Variants in ST3GAL5 observed in about 807,000 individuals in gnomAD.
The protein encoded by ST3GAL5 is lactosylceramide alpha-2,3-sialyltransferase.
ST3GAL5 carries 25 observed loss-of-function variants against 46.1 expected under a neutral mutation model. The ratio of observed to expected loss-of-function variants is 0.54; its 90% CI spans 0.40 to 0.76. The LOEUF (loss-of-function observed/expected upper bound fraction) is 0.76, where lower values mean the gene tolerates loss of function less well. Ranked by LOEUF, ST3GAL5 falls within the 30% of genes least tolerant of loss-of-function variation. ST3GAL5 has a pLI of 0.00. For missense variants in ST3GAL5, 431 were observed against 521.2 expected (o/e 0.83, Z 1.69); for synonymous variants, 182 against 192.7 (o/e 0.94, Z 0.46).
chr2:85,838,234 T>G lies in ST3GAL5; in HGVS notation c.*1910A>C, dbSNP rs1041261376. 1 of 152,218 alleles carries G rather than the reference T, an allele frequency of 6.6e-6. No homozygotes were observed. Among genetic ancestry groups the G allele is most frequent in the African/African-American group, 2.4e-5 (1 of 41,408 alleles). The allele number at this position is 152,218 out of a possible 1,614,324, so 9.4% of individuals were successfully genotyped here. A position where few individuals can be genotyped will look rare whatever the true frequency, so the allele number is the denominator to read the frequency against. On this transcript the variant is annotated 3_prime_UTR_variant, in exon 7 of 7. Transcript: ENST00000638572. ...GGAGGGATGGGGATGGGAGCAGGCC[T>G]GAGAATGGCTGCAAGCTGACCAAGT...
rs1682523722 is a variant in ST3GAL5, at chr2:85,844,468, A to T, written c.936T>A (p.Val312=). ...QPKHFRILNP[V]IIKETAFDIL... is the part of the protein sequence containing the mutation. ...TGTCAAAGGCAGTCTCTTTGATGAT[A>T]ACTGGATTCAAAATCCTGAAATGTT... Residue 312 remains valine, a synonymous_variant, in exon 6 of 7, where the codon GTT becomes GTA. Coordinates refer to ENST00000638572, the MANE Select transcript of ST3GAL5 (RefSeq NM_003896.4). 6.2e-7 allele frequency: 1 copy of T among 1,614,106 alleles called. No individual in the cohort carries two copies. The highest frequency in any genetic ancestry group is 8.5e-7 in the Non-Finnish European group (1 of 1,180,042).
At position 85,844,403 on chromosome 2, in the gene ST3GAL5, CG is replaced by C. The variant is rs1475670133; in HGVS notation, c.1000del (p.Arg334GlufsTer15). ...YSEPQSRFWG[R>X]DKNVPTIGVI... Reference sequence around the variant, plus strand: ...GAGTAGCAACAAAAATACCTTATCTCGGCCCCAGAACCTTGACTGAGGCTCT... The same window carrying C: ...GAGTAGCAACAAAAATACCTTATCTCGCCCCAGAACCTTGACTGAGGCTCT... On this transcript the variant is annotated frameshift_variant, in exon 6 of 7. Coordinates refer to ENST00000638572, the MANE Select transcript of ST3GAL5 (RefSeq NM_003896.4). LOFTEE classifies it high-confidence loss of function. 3 of 1,614,074 alleles carry C rather than the reference CG, an allele frequency of 1.9e-6. No individual in the cohort carries two copies. Among genetic ancestry groups the C allele is most frequent in the East Asian group, 4.5e-5 (2 of 44,898 alleles).
At chr2:85,844,585 A>C in intron 5 of ST3GAL5, 31 bp from the exon 6 acceptor site, 1 of 1,613,624 alleles carries the variant, frequency 6.2e-7, no homozygotes, top group Non-Finnish European at 8.5e-7. Flanking sequence ...GTTGTTAGTC[A>C]TCCTTCTAGG....
chr2:85,847,445 T>C, intron 4 of ST3GAL5: 2 of 1,010,968 alleles, frequency 2.0e-6, no homozygotes, highest in Non-Finnish European at 1.2e-6. Context: ...TCCAACCATT[T>C]TGTGTTTTTG....
In ST3GAL5 at chr2:85,842,818, A is replaced by C. The variant is rs1393039901; in HGVS notation, c.1008+1578T>G. ...CTCTTGTTGCCCAGGCTGGAGTGCA[A>C]TGGGGCGATCTCGGCTCATTGCAAC... On this transcript the variant is annotated intron_variant, in intron 6 of 6. Transcript: ENST00000638572. Among the ~76,000 whole-genome samples, 3 of 150,132 alleles carry C rather than the reference A, an allele frequency of 2.0e-5. 1 individual carries two copies. Among genetic ancestry groups the C allele is most frequent in the Admixed American group, 2.0e-4 (3 of 15,068 alleles).
rs1013320087 is a variant in ST3GAL5, at chr2:85,881,684, C to T, written c.82+7140G>A. On this transcript the variant is annotated intron_variant, in intron 1 of 6. Coordinates refer to ENST00000638572, the MANE Select transcript of ST3GAL5 (RefSeq NM_003896.4). ...GTATCTGGTGGAAGAAATTTCTAAGCAGGAAAGCAGTCAAGAGGTGACGTG... is the reference window on the plus strand; with the variant it reads ...GTATCTGGTGGAAGAAATTTCTAAGTAGGAAAGCAGTCAAGAGGTGACGTG... 3.3e-5 allele frequency among the ~76,000 whole-genome samples: 5 copies of T among 152,154 alleles called. No individual in the cohort carries two copies. In the South Asian group the frequency reaches 1.0e-3, roughly 32 times the overall value.
intron 1 of ST3GAL5, among the ~76,000 whole-genome samples, chr2:85,881,348 C>T (rs1687128512): frequency 6.6e-6 from 1 of 152,124 alleles, no homozygotes; most frequent in Admixed American, 6.5e-5. Flanking sequence ...GAAAAGATAC[C>T]TGAAAATCTG....
intron 1 of ST3GAL5, among the ~76,000 whole-genome samples, chr2:85,873,014 G>C (rs376265786): frequency 1.3e-5 from 2 of 152,182 alleles, no homozygotes; most frequent in Non-Finnish European, 2.9e-5. Flanking sequence ...GTGTGCTGTG[G>C]GCAGACAGAA....
chr2:85,870,706 C>T (rs1192987395), intron 1 of ST3GAL5, among the ~76,000 whole-genome samples: 2 of 141,916 alleles, frequency 1.4e-5, no homozygotes, highest in South Asian at 2.2e-4. Flanking sequence ...GACGGAGTTT[C>T]GCTCTTGTTG....
At chr2:85,873,398 G>C (rs1269584273) in intron 1 of ST3GAL5, among the ~76,000 whole-genome samples, 2 of 152,164 alleles carry the variant, frequency 1.3e-5, no homozygotes, top group African/African-American at 4.8e-5. Flanking sequence ...CATGGATGAT[G>C]AAGGGCCCTG....
rs558210040 is a variant in ST3GAL5 at position 85,857,230 on chromosome 2, G to A, written c.318+3951C>T. ...ACTGCACTTCAGCCTGGGTGACAGC[G>A]TGAGGCCCTGCTGAAAAGAAAAGAA... is the stretch of plus-strand genomic sequence containing the variant. On this transcript the variant is annotated intron_variant, in intron 3 of 6. Transcript: ENST00000638572. Among the ~76,000 whole-genome samples the A allele has an allele frequency of 2.4e-4, 37 of 151,986 alleles. No homozygotes were observed. In the East Asian group the frequency reaches 3.1e-3, roughly 13 times the overall value.
chr2:85,871,315 C>A (rs1357704767), intron 1 of ST3GAL5, among the ~76,000 whole-genome samples: 1 of 152,164 alleles, frequency 6.6e-6, no homozygotes, highest in South Asian at 2.1e-4. Flanking sequence ...TTGAATTACA[C>A]AACAAATTAC....
intron 3 of ST3GAL5, 200 bp from the exon 4 acceptor site, chr2:85,848,404 A>T: frequency 3.9e-6 from 6 of 1,535,194 alleles, no homozygotes; most frequent in Non-Finnish European, 5.3e-6. Context: ...CATGACAAGG[A>T]GATAAACACA....
intron 1 of ST3GAL5, 31 bp downstream of exon 1, chr2:85,888,791 CCG>C (rs1276165659): frequency 8.4e-7 from 1 of 1,189,082 alleles, no homozygotes; most frequent in African/African-American, 1.6e-5. Flanking sequence ...CCGCGGGCCC[CCG>C]CGACGCCGAG....
rs115179285 is a variant in ST3GAL5, at chr2:85,857,129, C to T, written c.318+4052G>A. On this transcript the variant is annotated intron_variant, in intron 3 of 6. Transcript: ENST00000638572. ...CGTATGGTGGTGCATGCTATAGTCCCAGCTACTCAGGAGGCTGAGGTGGGA... is the reference window on the plus strand; with the variant it reads ...CGTATGGTGGTGCATGCTATAGTCCTAGCTACTCAGGAGGCTGAGGTGGGA... 9.3e-3 allele frequency among the ~76,000 whole-genome samples: 1,362 copies of T among 147,042 alleles called. 25 individuals carry two copies. Among genetic ancestry groups the T allele is most frequent in the African/African-American group, 0.033 (1,310 of 39,896 alleles).
In ST3GAL5 at chr2:85,868,476, A is replaced by ATTT. The variant is rs33930859; in HGVS notation, c.83-4994_83-4992dup. ...ACCACCATGCCGAGTTAATTTTTGTATTTTTTTTTTTTTTTGTATAGACGG... is the reference window on the plus strand; with the variant it reads ...ACCACCATGCCGAGTTAATTTTTGTATTTTTTTTTTTTTTTTTTGTATAGACGG... On this transcript the variant is annotated intron_variant, in intron 1 of 6. Coordinates refer to ENST00000638572, the MANE Select transcript of ST3GAL5 (RefSeq NM_003896.4). 1.8e-3 allele frequency among the ~76,000 whole-genome samples: 242 copies of ATTT among 134,302 alleles called. 1 individual carries two copies. The highest frequency in any genetic ancestry group is 0.011 in the East Asian group (50 of 4,580). The allele number at this position is 134,302 out of a possible 152,430, so 88.1% of individuals were successfully genotyped here.
chr2:85,856,364 T>C (rs892202059), intron 3 of ST3GAL5: 2 of 152,132 alleles, frequency 1.3e-5, no homozygotes, highest in African/African-American at 4.8e-5. Context: ...ACATGAAATG[T>C]CCATAATAGG....
intron 1 of ST3GAL5, among the ~76,000 whole-genome samples, chr2:85,870,808 C>T (rs910598109): frequency 1.3e-5 from 2 of 151,902 alleles, no homozygotes; most frequent in Non-Finnish European, 2.9e-5. Flanking sequence ...TCCCACGTAG[C>T]TGGGATTACA....
chr2:85,847,288 T>TTC (rs1682908136), intron 4 of ST3GAL5: 2 of 850,766 alleles, frequency 2.4e-6, no homozygotes, highest in Non-Finnish European at 2.8e-6. Context: ...TGTCCTCTTC[T>TTC]TGCCCCTGTC....
Sources: allele counts gnomAD v4.1 joint callset (sites outside exome capture counted in the v4.1 genomes callset), GRCh38; gene constraint gnomAD v4.1.1; transcripts MANE v1.5; gene names NCBI Gene and HGNC (gene_info 2026-07-23, HGNC 2026-07-21).